Variants in UGT1A8 observed in about 807,000 individuals in gnomAD.
The protein encoded by UGT1A8 is UDP glucuronosyltransferase family 1 member A8.
Under a neutral mutation model 45.3 loss-of-function variants are expected in UGT1A8, and 39 were observed. That is an observed-to-expected ratio of 0.86 (90% confidence interval 0.67 to 1.12). The LOEUF is 1.12. Among genes scored for constraint, UGT1A8 ranks in the 50% most tolerant of loss-of-function variants. UGT1A8 has a pLI of 0.00. For synonymous variants in UGT1A8, 275 were observed against 249.2 expected, an observed-to-expected ratio of 1.10 and a Z score of -0.97; for missense variants, 719 against 664.9, an observed-to-expected ratio of 1.08 and a Z score of -0.90.
At chr2:233,686,659 C>T (rs977077863) in intron 1 of UGT1A8, among the ~76,000 whole-genome samples, 7 of 152,126 alleles carry the variant, frequency 4.6e-5, no homozygotes, top group Admixed American at 1.3e-4. Context: ...GATACACTAC[C>T]TCTTTGGCCC....
intron 1 of UGT1A8, among the ~76,000 whole-genome samples, chr2:233,626,366 A>C (rs993256430): frequency 6.6e-6 from 1 of 151,954 alleles, no homozygotes; most frequent in Non-Finnish European, 1.5e-5. Flanking sequence ...AGTGATTGGA[A>C]AGCACTAATC....
intron 1 of UGT1A8, among the ~76,000 whole-genome samples, chr2:233,703,406 T>C (rs375646119): frequency 2.2e-4 from 33 of 152,288 alleles, no homozygotes; most frequent in Middle Eastern, 6.8e-3. Flanking sequence ...AATTTTGGTT[T>C]TGTTTATTTT....
intron 1 of UGT1A8, chr2:233,755,069 G>T: frequency 2.2e-6 from 3 of 1,336,508 alleles, no homozygotes; most frequent in Non-Finnish European, 3.0e-6. Flanking sequence ...CCTCGCCATA[G>T]CGGTCATAGA....
intron 1 of UGT1A8, among the ~76,000 whole-genome samples, chr2:233,650,215 C>G (rs1392270092): frequency 6.6e-6 from 1 of 152,164 alleles, no homozygotes; most frequent in Non-Finnish European, 1.5e-5. Flanking sequence ...GGTGATCTGC[C>G]TGCCTCGGCC....
intron 1 of UGT1A8, among the ~76,000 whole-genome samples, chr2:233,656,984 G>A (rs2073869311): frequency 6.6e-6 from 1 of 150,776 alleles, no homozygotes; most frequent in Admixed American, 6.6e-5. Flanking sequence ...TGGAGCCTCC[G>A]CCTGCGTTAG....
At chr2:233,689,209 A>T (rs1235533582) in intron 1 of UGT1A8, among the ~76,000 whole-genome samples, 1 of 152,232 alleles carries the variant, frequency 6.6e-6, no homozygotes, top group African/African-American at 2.4e-5. Flanking sequence ...TGGGCAAGCC[A>T]TACTTACCTG....
chr2:233,700,461 CT>C (rs2075565476), intron 1 of UGT1A8, among the ~76,000 whole-genome samples: 1 of 151,894 alleles, frequency 6.6e-6, no homozygotes, highest in South Asian at 2.1e-4. Context: ...AATGATTCAG[CT>C]AAAAAAAGTA....
chr2:233,747,622 T>G, intron 1 of UGT1A8: 6 of 1,577,576 alleles, frequency 3.8e-6, no homozygotes, highest in Non-Finnish European at 5.2e-6. Context: ...AATGAGGCCC[T>G]GATCAGGCAC....
At chr2:233,685,230 A>G (rs1312542401) in intron 1 of UGT1A8, among the ~76,000 whole-genome samples, 1 of 152,116 alleles carries the variant, frequency 6.6e-6, no homozygotes, top group Non-Finnish European at 1.5e-5. Flanking sequence ...ACGGGGTTTC[A>G]CCATGTTGGC....
intron 1 of UGT1A8, among the ~76,000 whole-genome samples, chr2:233,627,546 C>G (rs762680683): frequency 6.6e-6 from 1 of 151,898 alleles, no homozygotes; most frequent in African/African-American, 2.4e-5. Context: ...AAACGTATTT[C>G]AGAAAAAAAT....
intron 1 of UGT1A8, chr2:233,648,274 G>A (rs1287065587): frequency 4.9e-6 from 3 of 611,828 alleles, no homozygotes; most frequent in East Asian, 3.4e-5. Flanking sequence ...GGTGTTTCTG[G>A]ATCCTTTAGA....
At chr2:233,720,293 G>T (rs1340833186) in intron 1 of UGT1A8, among the ~76,000 whole-genome samples, 1 of 152,182 alleles carries the variant, frequency 6.6e-6, no homozygotes, top group Non-Finnish European at 1.5e-5. Flanking sequence ...CTGACCAGGA[G>T]TTGGGGGTCT....
chr2:233,647,245 C>G (rs997180294), intron 1 of UGT1A8, among the ~76,000 whole-genome samples: 1 of 152,138 alleles, frequency 6.6e-6, no homozygotes, highest in African/African-American at 2.4e-5. Flanking sequence ...TCAAGATGAG[C>G]TTTGGGTGGG....
chr2:233,686,052 G>A (rs1358564597), intron 1 of UGT1A8, among the ~76,000 whole-genome samples: 1 of 152,154 alleles, frequency 6.6e-6, no homozygotes, highest in Non-Finnish European at 1.5e-5. Flanking sequence ...GCAAAGAATA[G>A]TGTCTTCAGC....
chr2:233,756,837 CA>C (rs1471167768), intron 1 of UGT1A8, among the ~76,000 whole-genome samples: 1 of 151,888 alleles, frequency 6.6e-6, no homozygotes, highest in African/African-American at 2.4e-5. Context: ...AATGATTAAC[CA>C]AAGAACATTC....
chr2:233,761,130 TC>T, intron 1 of UGT1A8: 1 of 1,614,212 alleles, frequency 6.2e-7, no homozygotes, highest in Non-Finnish European at 8.5e-7. Flanking sequence ...TCAACTGCCT[TC>T]ACCAAAATCC....
intron 1 of UGT1A8, among the ~76,000 whole-genome samples, chr2:233,661,625 T>TTCTTTCTG (rs1271224877): frequency 1.9e-5 from 2 of 105,292 alleles, no homozygotes; most frequent in African/African-American, 6.2e-5. Flanking sequence ...TTACTGAATT[T>TTCTTTCTG]TCTTTCTTTC....
intron 1 of UGT1A8, among the ~76,000 whole-genome samples, chr2:233,731,635 T>A (rs2078185230): frequency 6.6e-6 from 1 of 152,238 alleles, no homozygotes; most frequent in Non-Finnish European, 1.5e-5. Context: ...TATGGCTGCA[T>A]AGTATTCCAT....
intron 1 of UGT1A8, chr2:233,692,997 T>C: frequency 6.2e-7 from 1 of 1,614,038 alleles, no homozygotes; most frequent in Non-Finnish European, 8.5e-7. Flanking sequence ...ACTTTAACTC[T>C]TTCCAGGATG....
Sources: allele counts gnomAD v4.1 joint callset (sites outside exome capture counted in the v4.1 genomes callset), GRCh38; gene constraint gnomAD v4.1.1; transcripts MANE v1.5; gene names NCBI Gene and HGNC (gene_info 2026-07-23, HGNC 2026-07-21).